DLGAP2: variants seen among roughly 807,000 people sequenced by gnomAD.
The protein encoded by DLGAP2 is DLG associated protein 2.
A neutral mutation model predicts 100.3 loss-of-function variants in DLGAP2; 26 were observed. The ratio of observed to expected loss-of-function variants is 0.26; its 90% CI spans 0.19 to 0.36. The LOEUF (loss-of-function observed/expected upper bound fraction) is 0.36, where lower values mean the gene tolerates loss of function less well. Among genes scored for constraint, DLGAP2 ranks in the 10% least tolerant of loss-of-function variants. The probability of loss-of-function intolerance (pLI) is 1.00; values close to 1 mark genes in which losing one functional copy is unlikely to be tolerated. For missense variants in DLGAP2, 1,858 were observed against 1,453.2 expected (o/e 1.28, Z -4.53); for synonymous variants, 886 against 630.1 (o/e 1.41, Z -6.08).
chr8:1,483,936 G>A (rs1490656117), intron 3 of DLGAP2, among the ~76,000 whole-genome samples: 1 of 152,232 alleles, frequency 6.6e-6, no homozygotes, highest in African/African-American at 2.4e-5. Context: ...CTTTTAAAAA[G>A]AGTCTTAAAA....
chr8:1,577,773 G>A (rs956634462), intron 6 of DLGAP2, among the ~76,000 whole-genome samples: 4 of 151,976 alleles, frequency 2.6e-5, no homozygotes, highest in African/African-American at 4.8e-5. Context: ...CAGCAACCTC[G>A]GATTCCCACA....
intron 1 of DLGAP2, among the ~76,000 whole-genome samples, chr8:743,055 A>G (rs1390554367): frequency 6.6e-6 from 1 of 152,210 alleles, no homozygotes; most frequent in Admixed American, 6.5e-5. Context: ...ATTTCTCTCA[A>G]AACTGTTTTA....
intron 2 of DLGAP2, among the ~76,000 whole-genome samples, chr8:912,532 C>T (rs972924887): frequency 1.3e-5 from 2 of 152,204 alleles, no homozygotes; most frequent in Admixed American, 1.3e-4. Context: ...AAGCTGCTGC[C>T]ATGAAGTTCC....
In DLGAP2 at chr8:1,314,966, A is replaced by C. The variant is rs114299853; in HGVS notation, c.106+56083A>C. ...GCGCAAGATGCCCTCTGAAAGGGTG[A>C]CCTATCCCAGCAGTTCTAAGCCGCC... is the stretch of plus-strand genomic sequence containing the variant. On this transcript the variant is annotated intron_variant, in intron 3 of 14. Coordinates refer to ENST00000637795, the MANE Select transcript of DLGAP2 (RefSeq NM_001346810.2). 5.9e-3 allele frequency among the ~76,000 whole-genome samples: 896 copies of C among 152,304 alleles called. 17 individuals are homozygous for C. The highest frequency in any genetic ancestry group is 0.02 in the African/African-American group (847 of 41,558).
intron 2 of DLGAP2, among the ~76,000 whole-genome samples, chr8:961,456 C>T (rs59692984): frequency 0.025 from 3,795 of 152,260 alleles, 156 homozygotes; most frequent in African/African-American, 0.087. Flanking sequence ...GCAGAAGTGA[C>T]ATTCTTTTCT....
intron 1 of DLGAP2, among the ~76,000 whole-genome samples, chr8:794,667 G>C (rs1181531039): frequency 2.0e-5 from 3 of 152,210 alleles, no homozygotes; most frequent in African/African-American, 7.2e-5. Flanking sequence ...CAACCTTCCA[G>C]CTTGGGCATT....
At chr8:1,436,666 T>C (rs1424550111) in intron 3 of DLGAP2, among the ~76,000 whole-genome samples, 1 of 152,160 alleles carries the variant, frequency 6.6e-6, no homozygotes, top group Admixed American at 6.5e-5. Flanking sequence ...TTGCAGTGTG[T>C]GTAGAGTCTA....
intron 6 of DLGAP2, among the ~76,000 whole-genome samples, chr8:1,602,441 C>T (rs1418093244): frequency 6.6e-6 from 1 of 152,210 alleles, no homozygotes; most frequent in African/African-American, 2.4e-5. Context: ...AGTGAAAGGC[C>T]TATTCCACAC....
chr8:828,868 A>T (rs1015805963), intron 1 of DLGAP2, among the ~76,000 whole-genome samples: 1 of 152,202 alleles, frequency 6.6e-6, no homozygotes, highest in Non-Finnish European at 1.5e-5. Context: ...GGGGTCCCTG[A>T]CTTCCCACAA....
At chr8:926,262 C>T (rs1206210587) in intron 2 of DLGAP2, among the ~76,000 whole-genome samples, 1 of 152,166 alleles carries the variant, frequency 6.6e-6, no homozygotes. Context: ...GCCCTGGGAC[C>T]ATTCAGCCTG....
chr8:1,453,925 T>G (rs1798232957), intron 3 of DLGAP2, among the ~76,000 whole-genome samples: 1 of 152,216 alleles, frequency 6.6e-6, no homozygotes, highest in African/African-American at 2.4e-5. Flanking sequence ...TTTGCATGTC[T>G]TGGAATGTGG....
intron 3 of DLGAP2, among the ~76,000 whole-genome samples, chr8:1,451,392 C>T (rs989073850): frequency 1.3e-5 from 2 of 152,176 alleles, no homozygotes; most frequent in Non-Finnish European, 2.9e-5. Context: ...CCAGCCACCT[C>T]CTGCCAGACC....
chr8:1,212,402 G>A (rs1464847060), intron 2 of DLGAP2, among the ~76,000 whole-genome samples: 17 of 152,326 alleles, frequency 1.1e-4, no homozygotes, highest in Non-Finnish European at 1.6e-4. Context: ...TGGCACAGAT[G>A]ATGCCATCCT....
intron 2 of DLGAP2, among the ~76,000 whole-genome samples, chr8:940,953 G>A (rs1238647059): frequency 6.6e-6 from 1 of 152,108 alleles, no homozygotes; most frequent in African/African-American, 2.4e-5. Context: ...CACCTGCCAG[G>A]AGAGGGGAGC....
chr8:1,358,581 T>C (rs1027424847), intron 3 of DLGAP2, among the ~76,000 whole-genome samples: 5 of 152,204 alleles, frequency 3.3e-5, no homozygotes, highest in East Asian at 1.9e-4. Context: ...TAAAACTTAG[T>C]GCAAGAAAGA....
intron 1 of DLGAP2, among the ~76,000 whole-genome samples, chr8:844,942 C>T (rs12676715): frequency 0.2 from 30,226 of 152,210 alleles, 3,638 homozygotes; most frequent in Admixed American, 0.38. Context: ...ATATGGACTT[C>T]TGTGACTGAC....
At chr8:763,579 A>G (rs762284461) in intron 1 of DLGAP2, among the ~76,000 whole-genome samples, 2 of 152,226 alleles carry the variant, frequency 1.3e-5, no homozygotes, top group Admixed American at 6.5e-5. Flanking sequence ...GTGACAATTT[A>G]TGATGGAAAC....
intron 3 of DLGAP2, among the ~76,000 whole-genome samples, chr8:1,272,706 G>C (rs1188882648): frequency 6.6e-6 from 1 of 152,104 alleles, no homozygotes; most frequent in Non-Finnish European, 1.5e-5. Flanking sequence ...GGCCAGGCCT[G>C]AGGAGTGTGG....
At chr8:1,111,132 C>T (rs1053193823) in intron 2 of DLGAP2, among the ~76,000 whole-genome samples, 1 of 152,244 alleles carries the variant, frequency 6.6e-6, no homozygotes, top group Non-Finnish European at 1.5e-5. Context: ...CAGAACATCA[C>T]TGATGGCAGG....
Sources: allele counts gnomAD v4.1 joint callset (sites outside exome capture counted in the v4.1 genomes callset), GRCh38; gene constraint gnomAD v4.1.1; transcripts MANE v1.5; gene names NCBI Gene and HGNC (gene_info 2026-07-23, HGNC 2026-07-21).